The following KDM4C variants were observed in gnomAD, a reference collection of about 807,000 sequenced individuals.
KDM4C encodes the protein lysine demethylase 4C.
Under a neutral mutation model 129.3 loss-of-function variants are expected in KDM4C, and 81 were observed. The ratio of observed to expected loss-of-function variants is 0.63; its 90% CI spans 0.52 to 0.75. KDM4C has a LOEUF of 0.75. Ranked by LOEUF, KDM4C falls within the 30% of genes least tolerant of loss-of-function variation. The pLI is 0.00. For synonymous variants in KDM4C, 573 were observed against 456.1 expected, an observed-to-expected ratio of 1.26 and a Z score of -3.26; for missense variants, 1,457 against 1,304.0, an observed-to-expected ratio of 1.12 and a Z score of -1.81.
intron 8 of KDM4C, among the ~76,000 whole-genome samples, chr9:6,922,738 C>A (rs1821761835): frequency 6.6e-6 from 1 of 152,228 alleles, no homozygotes; most frequent in Admixed American, 6.5e-5. Flanking sequence ...CGGAGCCAGA[C>A]CCTGTCTCAA....
At chr9:6,823,905 G>C (rs760786463) in intron 4 of KDM4C, among the ~76,000 whole-genome samples, 1 of 152,120 alleles carries the variant, frequency 6.6e-6, no homozygotes, top group Non-Finnish European at 1.5e-5. Context: ...TTTCTCCTCG[G>C]GTTTTTCTAC....
intron 4 of KDM4C, among the ~76,000 whole-genome samples, chr9:6,839,416 T>C (rs1397577721): frequency 6.7e-6 from 1 of 150,144 alleles, no homozygotes; most frequent in East Asian, 2.0e-4. Flanking sequence ...TTTTTTTTTT[T>C]TCTGGTAGAG....
At chr9:7,070,800 A>C (rs1188960649) in intron 17 of KDM4C, among the ~76,000 whole-genome samples, 1 of 152,178 alleles carries the variant, frequency 6.6e-6, no homozygotes, top group Non-Finnish European at 1.5e-5. Flanking sequence ...TGAACAAGGT[A>C]ATGAATTCAG....
intron 5 of KDM4C, among the ~76,000 whole-genome samples, chr9:6,875,949 G>A (rs1199560456): frequency 1.3e-5 from 2 of 152,124 alleles, no homozygotes; most frequent in Non-Finnish European, 2.9e-5. Context: ...TCAACCACCT[G>A]GTGATTTGAG....
At chr9:6,901,660 G>A (rs1440156986) in intron 8 of KDM4C, among the ~76,000 whole-genome samples, 1 of 152,168 alleles carries the variant, frequency 6.6e-6, no homozygotes, top group Admixed American at 6.5e-5. Flanking sequence ...GGTAACTGGC[G>A]AGTAACTGGT....
chr9:6,747,339 A>T (rs964579792), intron 1 of KDM4C, among the ~76,000 whole-genome samples: 1 of 151,674 alleles, frequency 6.6e-6, no homozygotes, highest in Non-Finnish European at 1.5e-5. Context: ...CGAGGTCAGG[A>T]GATCGAGACC....
intron 8 of KDM4C, among the ~76,000 whole-genome samples, chr9:6,980,126 T>C (rs1816515217): frequency 1.3e-5 from 2 of 152,200 alleles, no homozygotes; most frequent in Admixed American, 1.3e-4. Context: ...GGTCTATCAG[T>C]TAAATCTTGG....
At chr9:6,896,662 A>G (rs1023445258) in intron 8 of KDM4C, among the ~76,000 whole-genome samples, 3 of 152,084 alleles carry the variant, frequency 2.0e-5, no homozygotes, top group Non-Finnish European at 4.4e-5. Context: ...CTTTGTCATT[A>G]GGGACCTTTT....
chr9:6,801,962 G>C (rs1157085759), intron 2 of KDM4C, among the ~76,000 whole-genome samples: 1 of 151,934 alleles, frequency 6.6e-6, no homozygotes, highest in Non-Finnish European at 1.5e-5. Flanking sequence ...AAAATTATCT[G>C]GGCATGGTGG....
intron 4 of KDM4C, among the ~76,000 whole-genome samples, chr9:6,835,767 C>T (rs1835769878): frequency 6.6e-6 from 1 of 152,122 alleles, no homozygotes; most frequent in African/African-American, 2.4e-5. Flanking sequence ...TGAACATCCC[C>T]CAAATTTCTG....
intron 17 of KDM4C, among the ~76,000 whole-genome samples, chr9:7,087,715 G>T (rs1835297795): frequency 6.6e-6 from 1 of 152,164 alleles, no homozygotes; most frequent in Admixed American, 6.5e-5. Context: ...AAACGTGAAA[G>T]AAGAGCCTGT....
At chr9:6,812,629 C>CT (rs2131119339) in intron 3 of KDM4C, among the ~76,000 whole-genome samples, 1 of 152,238 alleles carries the variant, frequency 6.6e-6, no homozygotes, top group South Asian at 2.1e-4. Flanking sequence ...GGAGGTGGAA[C>CT]TCAGGCAGTA....
chr9:7,038,355 C>T (rs571835779), intron 15 of KDM4C, among the ~76,000 whole-genome samples: 19 of 151,966 alleles, frequency 1.3e-4, no homozygotes, highest in Non-Finnish European at 2.6e-4. Flanking sequence ...GGCCTTTCAG[C>T]TCTTTTCTAT....
In KDM4C at chr9:6,986,398, A is replaced by G. The variant is rs1357615686; in HGVS notation, c.1409A>G (p.Lys470Arg). The G allele has an allele frequency of 4.3e-6, 7 of 1,613,866 alleles. No homozygotes were observed. The East Asian group carries it at 6.7e-5, about 15-fold the overall frequency. Residue 470 changes from lysine to arginine, a missense_variant, in exon 11 of 22, where the codon AAA becomes AGA. By Grantham distance (26) the Lys-to-Arg change is conservative. Coordinates refer to ENST00000381309, the MANE Select transcript of KDM4C (RefSeq NM_015061.6). ...GAAGACATAAAAACTGAGGATGACA[A>G]AGCTTATGCATATAGAAGTGTACCT... is the stretch of plus-strand genomic sequence containing the variant. ...VTEDIKTEDD[K>R]AYAYRSVPSI...
intron 15 of KDM4C, among the ~76,000 whole-genome samples, chr9:7,018,879 C>G: frequency 6.6e-6 from 1 of 152,136 alleles, no homozygotes; most frequent in East Asian, 1.9e-4. Flanking sequence ...TACAATCTTG[C>G]TATTTGTATT....
At chr9:7,083,227 A>G (rs554467021) in intron 17 of KDM4C, among the ~76,000 whole-genome samples, 4 of 152,340 alleles carry the variant, frequency 2.6e-5, no homozygotes, top group East Asian at 1.9e-4. Flanking sequence ...TAATACTTGC[A>G]TTATATACTT....
intron 17 of KDM4C, among the ~76,000 whole-genome samples, chr9:7,052,391 G>A (rs1367297212): frequency 6.6e-6 from 1 of 152,174 alleles, no homozygotes; most frequent in Non-Finnish European, 1.5e-5. Flanking sequence ...TTTATGAAAT[G>A]AATAAAAGGC....
intron 17 of KDM4C, among the ~76,000 whole-genome samples, chr9:7,101,578 G>A (rs1032264105): frequency 3.9e-5 from 6 of 152,200 alleles, no homozygotes; most frequent in Non-Finnish European, 7.3e-5. Context: ...TCTGTCCTTA[G>A]AAGTCCCCAC....
At chr9:6,774,177 C>T (rs960205228) in intron 1 of KDM4C, among the ~76,000 whole-genome samples, 26 of 151,978 alleles carry the variant, frequency 1.7e-4, no homozygotes, top group African/African-American at 5.1e-4. Context: ...TGTGAGCCAC[C>T]GTGCCTGGCC....
Sources: allele counts gnomAD v4.1 joint callset (sites outside exome capture counted in the v4.1 genomes callset), GRCh38; gene constraint gnomAD v4.1.1; transcripts MANE v1.5; gene names NCBI Gene and HGNC (gene_info 2026-07-23, HGNC 2026-07-21).